Variants in ITGA9 observed in about 807,000 individuals in gnomAD.
The protein encoded by ITGA9 is integrin subunit alpha 9.
ITGA9 carries 56 observed loss-of-function variants against 127.8 expected under a neutral mutation model. The observed-to-expected ratio is 0.44, with a 90% CI of 0.35 to 0.55. The LOEUF is 0.55. Ranked by LOEUF, ITGA9 falls within the 20% of genes least tolerant of loss-of-function variation. The pLI is 0.00. For missense variants in ITGA9, 1,196 were observed against 1,347.1 expected (o/e 0.89, Z 1.76); for synonymous variants, 508 against 514.5 (o/e 0.99, Z 0.17).
intron 17 of ITGA9, among the ~76,000 whole-genome samples, chr3:37,676,202 A>G (rs983907094): frequency 6.0e-4 from 91 of 152,256 alleles, no homozygotes; most frequent in African/African-American, 2.1e-3. Flanking sequence ...AATGCAGTAT[A>G]TCCCAAAAGT....
intron 16 of ITGA9, among the ~76,000 whole-genome samples, chr3:37,651,936 T>C (rs761524108): frequency 7.2e-5 from 11 of 152,160 alleles, no homozygotes; most frequent in African/African-American, 2.7e-4. Flanking sequence ...CATCCTGTTC[T>C]TCCGTTCTCA....
At chr3:37,638,990 C>T (rs1423175917) in intron 16 of ITGA9, among the ~76,000 whole-genome samples, 2 of 152,136 alleles carry the variant, frequency 1.3e-5, no homozygotes, top group African/African-American at 4.8e-5. Context: ...TGGCACTAGG[C>T]TCTGGTGAGT....
chr3:37,624,278 T>TAACTGACCCGAAGAAA (rs1700156178), intron 15 of ITGA9, among the ~76,000 whole-genome samples: 1 of 128,724 alleles, frequency 7.8e-6, no homozygotes, highest in Admixed American at 9.1e-5. Flanking sequence ...CAGTTAGGGG[T>TAACTGACCCGAAGAAA]GCCAGGGTTC....
At chr3:37,515,049 G>A (rs1698970123) in intron 9 of ITGA9, among the ~76,000 whole-genome samples, 1 of 152,156 alleles carries the variant, frequency 6.6e-6, no homozygotes, top group Non-Finnish European at 1.5e-5. Context: ...GGAAGTACAA[G>A]TGTTCAAGTA....
At chr3:37,804,065 A>G in intron 27 of ITGA9, 123 bp downstream of exon 27, 2 of 1,412,770 alleles carry the variant, frequency 1.4e-6, no homozygotes. Flanking sequence ...ACAGTGAAGG[A>G]CAGTGACCCT....
At position 37,523,423 on chromosome 3, in the gene ITGA9, G is replaced by C. The variant is rs1863596; in HGVS notation, c.1237-98G>C. 0.014 allele frequency: 13,205 copies of C among 945,384 alleles called. 696 individuals are homozygous for C. The African/African-American group carries it at 0.14, about 10-fold the overall frequency. The allele number at this position is 945,384 out of a possible 1,614,324, so 58.6% of individuals were successfully genotyped here. A position where few individuals can be genotyped will look rare whatever the true frequency, so the allele number is the denominator to read the frequency against. ...TTTTTTTTTCTTTCAACAACTTTAA[G>C]ACCAAGTGTCCTAGGGAAGCTGGAA... On this transcript the variant is annotated intron_variant, in intron 11 of 27. Transcript: ENST00000264741.
intron 27 of ITGA9, among the ~76,000 whole-genome samples, chr3:37,810,853 C>T (rs1372047370): frequency 6.6e-6 from 1 of 152,264 alleles, no homozygotes; most frequent in Non-Finnish European, 1.5e-5. Context: ...CTACTGTTTA[C>T]CTAAATCAGA....
Position 37,633,309 on chromosome 3 carries a change from C to T in ITGA9, c.1839+3973C>T, listed in dbSNP as rs114853374. Among the ~76,000 whole-genome samples, 1,377 of 152,212 alleles carry T rather than the reference C, an allele frequency of 9.0e-3. 21 individuals are homozygous for T. Among genetic ancestry groups the T allele is most frequent in the African/African-American group, 0.031 (1,287 of 41,532 alleles). ...ACCTGTACAGATTCTCCTTGACTCA[C>T]GATGGGGTTATGTCCCAATAAACCC... is the stretch of plus-strand genomic sequence containing the variant. On this transcript the variant is annotated intron_variant, in intron 16 of 27. Coordinates refer to ENST00000264741, the MANE Select transcript of ITGA9 (RefSeq NM_002207.3).
chr3:37,787,287 GA>G (rs4020512), intron 26 of ITGA9, among the ~76,000 whole-genome samples: 80,723 of 149,392 alleles, frequency 0.54, 21,808 homozygotes, highest in African/African-American at 0.59. Context: ...TTGTGTAGAT[GA>G]AAAAAAAAAA....
At chr3:37,574,050 A>G (rs1699628931) in intron 15 of ITGA9, among the ~76,000 whole-genome samples, 1 of 152,172 alleles carries the variant, frequency 6.6e-6, no homozygotes, top group South Asian at 2.1e-4. Flanking sequence ...AGTTCCATGT[A>G]CTATCTAAAA....
chr3:37,609,750 C>T (rs1700000153), intron 15 of ITGA9, among the ~76,000 whole-genome samples: 1 of 152,144 alleles, frequency 6.6e-6, no homozygotes, highest in Admixed American at 6.5e-5. Flanking sequence ...GAGACTTGAA[C>T]AGTTGGGGGC....
At chr3:37,535,132 C>T (rs1313732966) in intron 14 of ITGA9, among the ~76,000 whole-genome samples, 1 of 152,248 alleles carries the variant, frequency 6.6e-6, no homozygotes, top group East Asian at 1.9e-4. Flanking sequence ...TCATTTGACA[C>T]ATGCTTATTA....
chr3:37,805,863 A>C (rs1247171053), intron 27 of ITGA9: 1 of 147,884 alleles, frequency 6.8e-6, no homozygotes, highest in East Asian at 2.0e-4. Context: ...AGTAGAGACC[A>C]GGTTTTGCCA....
At chr3:37,641,194 C>T (rs769896738) in intron 16 of ITGA9, among the ~76,000 whole-genome samples, 2 of 152,210 alleles carry the variant, frequency 1.3e-5, no homozygotes, top group Non-Finnish European at 2.9e-5. Context: ...CGAGTGTTAC[C>T]GCCTGAGCGC....
chr3:37,669,750 C>A (rs955596622), intron 17 of ITGA9, among the ~76,000 whole-genome samples: 4 of 151,966 alleles, frequency 2.6e-5, no homozygotes, highest in African/African-American at 9.7e-5. Context: ...TGTGGGAGAC[C>A]CCTTCAGGCT....
intron 27 of ITGA9, among the ~76,000 whole-genome samples, chr3:37,810,358 C>T (rs1000635885): frequency 5.9e-5 from 9 of 152,166 alleles, no homozygotes; most frequent in African/African-American, 2.2e-4. Context: ...TAGGTCCCTA[C>T]TAGGTGGCAG....
At chr3:37,653,686 TA>T in intron 16 of ITGA9, 27 bp from the exon 17 acceptor site, 1 of 1,567,850 alleles carries the variant, frequency 6.4e-7, no homozygotes, top group Non-Finnish European at 8.8e-7. Context: ...AATCCTGCCC[TA>T]ACCTTCCTCT....
intron 17 of ITGA9, among the ~76,000 whole-genome samples, chr3:37,675,152 T>G: frequency 6.6e-6 from 1 of 152,194 alleles, no homozygotes; most frequent in East Asian, 1.9e-4. Flanking sequence ...GCCTACCAAG[T>G]ATCTTGCCAG....
At chr3:37,515,756 C>T (rs1377957050) in intron 9 of ITGA9, among the ~76,000 whole-genome samples, 1 of 152,034 alleles carries the variant, frequency 6.6e-6, no homozygotes, top group Non-Finnish European at 1.5e-5. Flanking sequence ...AACAAGCCAA[C>T]AAGCAAGGTG....
Sources: allele counts gnomAD v4.1 joint callset (sites outside exome capture counted in the v4.1 genomes callset), GRCh38; gene constraint gnomAD v4.1.1; transcripts MANE v1.5; gene names NCBI Gene and HGNC (gene_info 2026-07-23, HGNC 2026-07-21).